RNF213: variants seen among roughly 807,000 people sequenced by gnomAD.
The protein encoded by RNF213 is ring finger protein 213, also known as E3 ubiquitin-protein ligase RNF213.
Under a neutral mutation model 514.4 loss-of-function variants are expected in RNF213, and 341 were observed. The observed-to-expected ratio is 0.66, with a 90% confidence interval of 0.61 to 0.73. The LOEUF is 0.73. Ranked by LOEUF, RNF213 falls within the 30% of genes least tolerant of loss-of-function variation. The probability of loss-of-function intolerance (pLI) is 0.00; values close to 1 mark genes in which losing one functional copy is unlikely to be tolerated. For missense variants in RNF213, 5,767 were observed against 6,615.6 expected, an observed-to-expected ratio of 0.87 and a Z score of 4.45; for synonymous variants, 2,655 against 2,658.2, an observed-to-expected ratio of 1.00 and a Z score of 0.04.
In RNF213 at chr17:80,396,633, C is replaced by T. The variant is rs1424592350; in HGVS notation, c.*3135C>T. 1 of 151,018 alleles carries T rather than the reference C, an allele frequency of 6.6e-6. No homozygotes were observed. Among genetic ancestry groups the T allele is most frequent in the Admixed American group, 6.6e-5 (1 of 15,052 alleles). 9.4% of individuals were successfully genotyped at this position (151,018 alleles called of 1,614,324 possible). A position where few individuals can be genotyped will look rare whatever the true frequency, so the allele number is the denominator to read the frequency against. Reference sequence around the variant, plus strand: ...TGATTAGCATTTATATTGCATTCTGCATTATTCTCATCCTATCACGTTCAT... The same window carrying T: ...TGATTAGCATTTATATTGCATTCTGTATTATTCTCATCCTATCACGTTCAT... On this transcript the variant is annotated 3_prime_UTR_variant, in exon 68 of 68. Transcript: ENST00000582970.
intron 15 of RNF213, among the ~76,000 whole-genome samples, chr17:80,313,894 T>G (rs2045699223): frequency 1.4e-5 from 1 of 72,302 alleles, no homozygotes; most frequent in Non-Finnish European, 2.6e-5. Flanking sequence ...GTACTGGAGG[T>G]GATGGTGGTG....
rs779281165 is a variant in RNF213, at chr17:80,345,723, G to A, written c.7388G>A (p.Arg2463Lys). Residue 2463 changes from arginine (R) to lysine (K), a missense_variant, in exon 29 of 68, where the codon AGA becomes AAA. Arg to Lys is a conservative substitution (Grantham distance 26). Coordinates refer to ENST00000582970, the MANE Select transcript of RNF213 (RefSeq NM_001256071.3). This position sits in a 1 kb window ranked among gnomAD's most constrained non-coding sequence, Gnocchi z 6.0. ...ACAACTGCAGACATGATCTACTCCA[G>A]AGTCAGGGAGGCTGAAAATGTGGCC... The part of the protein sequence containing the change: ...GGTTADMIYS[R>K]VREAENVAFA... 6.8e-6 allele frequency: 11 copies of A among 1,614,108 alleles called. No homozygotes were observed. Among genetic ancestry groups the A allele is most frequent in the Non-Finnish European group, 8.5e-6 (10 of 1,180,050 alleles).
At chr17:80,376,843 T>A in intron 52 of RNF213, 39 bp from the exon 53 acceptor site, 2 of 1,569,578 alleles carry the variant, frequency 1.3e-6, no homozygotes, top group Non-Finnish European at 1.8e-6. Context: ...GGTGACAAGC[T>A]CACTTATCTA....
chr17:80,330,836 G>A (rs1267399883), intron 20 of RNF213, among the ~76,000 whole-genome samples: 1 of 152,064 alleles, frequency 6.6e-6, no homozygotes, highest in Admixed American at 6.5e-5. Flanking sequence ...TCTTTTTTTT[G>A]GGACAGAGTC....
chr17:80,274,518 G>A (rs936266926), intron 3 of RNF213, among the ~76,000 whole-genome samples: 3 of 129,742 alleles, frequency 2.3e-5, no homozygotes, highest in African/African-American at 9.0e-5. Context: ...TCTGTCTGTC[G>A]TTCCTTGTAG....
At chr17:80,341,767 A>G (rs2078160910) in intron 26 of RNF213, 1 of 152,164 alleles carries the variant, frequency 6.6e-6, no homozygotes, top group African/African-American at 2.4e-5. Flanking sequence ...AGAAAGAACA[A>G]AAGATTATAA....
At chr17:80,364,578 A>C (rs770871308) in intron 42 of RNF213, 25 bp downstream of exon 42, 1 of 1,614,082 alleles carries the variant, frequency 6.2e-7, no homozygotes, top group Admixed American at 1.7e-5. Context: ...TGGCCTCAGC[A>C]CATGCACGGA....
chr17:80,380,914 C>CCCCAGTG lies in RNF213; in HGVS notation c.13725_13731dup (p.Val4578ProfsTer31). 2 of 1,614,134 alleles carry CCCCAGTG rather than the reference C, an allele frequency of 1.2e-6. No homozygotes were observed. The highest frequency in any genetic ancestry group is 1.7e-6 in the Non-Finnish European group (2 of 1,180,030). ...GTGGTGACATGTGACCGAGGGCTGC[C>CCCCAGTG]CCCAGTGGTCTTCCTCCTTATCCGG... On this transcript the variant is annotated frameshift_variant, in exon 56 of 68. Transcript: ENST00000582970. LOFTEE classifies it high-confidence loss of function.
intron 65 of RNF213, 115 bp downstream of exon 65, chr17:80,389,482 G>A: frequency 3.3e-6 from 3 of 922,770 alleles, no homozygotes; most frequent in Non-Finnish European, 5.2e-6. Context: ...AAAAGGATGG[G>A]GAGACAAGAA....
In RNF213 at chr17:80,319,257, G is replaced by A. The variant is rs1354748198; in HGVS notation, c.2969G>A (p.Ser990Asn). Residue 990 changes from serine (S) to asparagine (N), a missense_variant, in exon 17 of 68, where the codon AGT becomes AAT. Physicochemically the swap from Ser to Asn is conservative, Grantham distance 46. This residue lies in a region of RNF213 where 516 missense variants were observed against 566.5 expected (regional missense o/e 0.91). Coordinates refer to ENST00000582970, the MANE Select transcript of RNF213 (RefSeq NM_001256071.3). ...TGGGACACCAAAGGCTTAGAGGACA[G>A]TGTGGCCAAGACCTTCGAGAAATGC... ...SCWDTKGLED[S>N]VAKTFEKCII... 38 of 1,614,100 alleles carry A rather than the reference G, an allele frequency of 2.4e-5. No individual in the cohort carries two copies. Among genetic ancestry groups the A allele is most frequent in the Non-Finnish European group, 3.1e-5 (37 of 1,180,048 alleles).
rs143657240 is a variant in RNF213, at chr17:80,293,180, C to G, written c.1471+1353C>G. On this transcript the variant is annotated intron_variant, in intron 8 of 67. Transcript: ENST00000582970. ...TCAGCTGATCCTCCCCCTCAGCCCCCCCAAGTAGCTGGGCCTACAGGCGTG... is the reference window on the plus strand; with the variant it reads ...TCAGCTGATCCTCCCCCTCAGCCCCGCCAAGTAGCTGGGCCTACAGGCGTG... 1.4e-3 allele frequency among the ~76,000 whole-genome samples: 212 copies of G among 152,176 alleles called. 9 individuals carry two copies. The South Asian group carries it at 0.025, about 18-fold the overall frequency.
Position 80,353,875 on chromosome 17 carries a change from G to A in RNF213, c.10579-144G>A, listed in dbSNP as rs1039539557. On this transcript the variant is annotated intron_variant, in intron 34 of 67. Transcript: ENST00000582970. This position sits in a 1 kb window ranked among gnomAD's most constrained non-coding sequence, Gnocchi z 5.0. ...ACCGGCAGTTTGGGGGGTGCAGGGCGGAGGTCGGCGTCTCTTCTTTGTCCG... is the reference window on the plus strand; with the variant it reads ...ACCGGCAGTTTGGGGGGTGCAGGGCAGAGGTCGGCGTCTCTTCTTTGTCCG... The A allele has an allele frequency of 5.1e-5, 62 of 1,223,942 alleles. No individual in the cohort carries two copies. The highest frequency in any genetic ancestry group is 1.6e-4 in the Admixed American group (8 of 51,156). The allele number at this position is 1,223,942 out of a possible 1,614,324, so 75.8% of individuals were successfully genotyped here. A position where few individuals can be genotyped will look rare whatever the true frequency, so the allele number is the denominator to read the frequency against.
chr17:80,292,077 C>T lies in RNF213; in HGVS notation c.1471+250C>T, dbSNP rs113829711. 2,498 of 571,424 alleles carry T rather than the reference C, an allele frequency of 4.4e-3. 52 individuals are homozygous for T. Among genetic ancestry groups the T allele is most frequent in the African/African-American group, 0.042 (2,262 of 53,464 alleles). 35.4% of individuals were successfully genotyped at this position (571,424 alleles called of 1,614,324 possible). On this transcript the variant is annotated intron_variant, in intron 8 of 67. Transcript: ENST00000582970. ...TTACCTACTCACTTGCAGGAGGAAACATGCAAAGGACTTTTTGTTTGTTTG... is the reference window on the plus strand; with the variant it reads ...TTACCTACTCACTTGCAGGAGGAAATATGCAAAGGACTTTTTGTTTGTTTG...
At chr17:80,324,816 C>T (rs575830763) in intron 17 of RNF213, among the ~76,000 whole-genome samples, 2 of 152,052 alleles carry the variant, frequency 1.3e-5, no homozygotes, top group Non-Finnish European at 2.9e-5. Flanking sequence ...GTCTTCACAT[C>T]TCTGGTGCTG....
At chr17:80,367,630 C>T (rs2079329837) in intron 42 of RNF213, 118 bp from the exon 43 acceptor site, 2 of 758,574 alleles carry the variant, frequency 2.6e-6, no homozygotes, top group Non-Finnish European at 4.6e-6. Context: ...GCCTCGCACC[C>T]CACACCCCAC....
In RNF213 at chr17:80,349,817, A is replaced by G. The variant is rs2078438892; in HGVS notation, c.9999A>G (p.Leu3333=). The change falls in exon 30 of 68, where the codon TTA becomes TTG. Residue 3333 remains leucine, a synonymous_variant. Transcript: ENST00000582970. ...RLLTSHDCEI[L]ESEVTGRAPK... is the part of the protein sequence containing the mutation. Reference sequence around the variant, plus strand: ...TAACAAGTCACGACTGTGAAATTTTAGAATCAGAGGTCACAGGCAGGGCTC... The same window carrying G: ...TAACAAGTCACGACTGTGAAATTTTGGAATCAGAGGTCACAGGCAGGGCTC... 1.9e-6 allele frequency: 3 copies of G among 1,614,004 alleles called. No homozygotes were observed. Among genetic ancestry groups the G allele is most frequent in the Non-Finnish European group, 1.7e-6 (2 of 1,179,984 alleles).
rs908871511 is a variant in RNF213 at position 80,304,523 on chromosome 17, A to G, written c.2211-1729A>G. On this transcript the variant is annotated intron_variant, in intron 11 of 67. Coordinates refer to ENST00000582970, the MANE Select transcript of RNF213 (RefSeq NM_001256071.3). Reference sequence around the variant, plus strand: ...GGCGTGGTGGCAGGCGCCTGTAGTCACAGCTACTGGGGAGGCTGAGGCAGG... The same window carrying G: ...GGCGTGGTGGCAGGCGCCTGTAGTCGCAGCTACTGGGGAGGCTGAGGCAGG... Among the ~76,000 whole-genome samples the G allele has an allele frequency of 2.0e-5, 3 of 152,058 alleles. No individual in the cohort carries two copies. In the East Asian group the frequency reaches 5.8e-4, roughly 29 times the overall value.
In RNF213 at chr17:80,346,609, C is replaced by T. The variant is rs546074794; in HGVS notation, c.8274C>T (p.Cys2758=). Residue 2758 remains cysteine (C), a synonymous_variant, in exon 29 of 68, where the codon TGC becomes TGT. Coordinates refer to ENST00000582970, the MANE Select transcript of RNF213 (RefSeq NM_001256071.3). This position sits in a 1 kb window ranked among gnomAD's most constrained non-coding sequence, Gnocchi z 8.1. ...AGAACGTCTTCATGATGGTCGTCTG[C>T]ATCGAGCTGAAGATTCCCCTCTTCC... ...LKENVFMMVV[C]IELKIPLFLV... is the part of the protein sequence containing the mutation. The T allele has an allele frequency of 3.0e-5, 48 of 1,613,218 alleles. No homozygotes were observed. The African/African-American group carries it at 5.6e-4, about 19-fold the overall frequency.
Position 80,347,621 on chromosome 17 carries a change from A to G in RNF213, c.9286A>G (p.Thr3096Ala), listed in dbSNP as rs1208226578. Reference sequence around the variant, plus strand: ...CAATCGTGTGAAGATCTGCATGGAAACAGGCAAGATGGTGTTGCTTCTCAA... The same window carrying G: ...CAATCGTGTGAAGATCTGCATGGAAGCAGGCAAGATGGTGTTGCTTCTCAA... The part of the protein sequence containing the change: ...NINRVKICME[T>A]GKMVLLLNLQ... Residue 3096 changes from threonine to alanine, a missense_variant, in exon 29 of 68, where the codon ACA (threonine) becomes GCA (alanine). Coordinates refer to ENST00000582970, the MANE Select transcript of RNF213 (RefSeq NM_001256071.3). The surrounding 1 kb of genome is among the most constrained non-coding windows in gnomAD (Gnocchi z 7.2). 3.1e-6 allele frequency: 5 copies of G among 1,614,016 alleles called. No individual in the cohort carries two copies. The highest frequency in any genetic ancestry group is 2.2e-5 in the East Asian group (1 of 44,894).
Sources: allele counts gnomAD v4.1 joint callset (sites outside exome capture counted in the v4.1 genomes callset), GRCh38; gene constraint gnomAD v4.1.1; regional missense constraint gnomAD v4.1.1; non-coding constraint Gnocchi (gnomAD v3.1); transcripts MANE v1.5; gene names NCBI Gene and HGNC (gene_info 2026-07-23, HGNC 2026-07-21).